The following MTSS1 variants were observed in gnomAD, a reference collection of about 807,000 sequenced individuals.
MTSS1 encodes the protein MTSS I-BAR domain containing 1, also known as protein MTSS 1.
MTSS1 carries 18 observed loss-of-function variants against 79.0 expected under a neutral mutation model. The ratio of observed to expected loss-of-function variants is 0.23; its 90% CI spans 0.16 to 0.34. MTSS1 has a LOEUF of 0.34. Ranked by LOEUF, MTSS1 falls within the 10% of genes least tolerant of loss-of-function variation. The pLI is 1.00. For missense variants in MTSS1, 815 were observed against 986.2 expected (o/e 0.83, Z 2.33); for synonymous variants, 341 against 368.6 (o/e 0.93, Z 0.86).
chr8:124,724,199 A>T (rs1833351642), intron 1 of MTSS1, among the ~76,000 whole-genome samples: 1 of 152,192 alleles, frequency 6.6e-6, no homozygotes, highest in Non-Finnish European at 1.5e-5. Context: ...CACATTCTCC[A>T]TCCTATGATA....
At chr8:124,667,727 A>T (rs1270443266) in intron 3 of MTSS1, among the ~76,000 whole-genome samples, 1 of 152,174 alleles carries the variant, frequency 6.6e-6, no homozygotes, top group Non-Finnish European at 1.5e-5. Flanking sequence ...ACTGGGACTT[A>T]AAAAGCATCT....
intron 3 of MTSS1, among the ~76,000 whole-genome samples, chr8:124,652,797 A>T (rs796893835): frequency 1.3e-5 from 2 of 149,196 alleles, no homozygotes; most frequent in African/African-American, 5.1e-5. Flanking sequence ...TCCGTCTCAA[A>T]AAAAAAAAAA....
At chr8:124,640,639 G>A (rs1021577139) in intron 3 of MTSS1, among the ~76,000 whole-genome samples, 5 of 152,166 alleles carry the variant, frequency 3.3e-5, no homozygotes, top group Admixed American at 6.5e-5. Context: ...CGCCTTCTGG[G>A]TTCAAGCTAT....
rs181903808 is a variant in MTSS1 at position 124,578,169 on chromosome 8, C to T, written c.460+6918G>A. The stretch of plus-strand genomic sequence containing the variant: ...CAGGTCAGTGTGGGGTGGGGAGACG[C>T]GGTCCAGGAAGCCAGAGGCTGAGTA... On this transcript the variant is annotated intron_variant, in intron 6 of 13. Transcript: ENST00000518547. Among the ~76,000 whole-genome samples the T allele has an allele frequency of 2.7e-3, 410 of 152,168 alleles. 3 individuals carry two copies. Among genetic ancestry groups the T allele is most frequent in the African/African-American group, 9.1e-3 (378 of 41,492 alleles).
chr8:124,634,195 A>G lies in MTSS1; in HGVS notation c.209-42960T>C, dbSNP rs141437146. On this transcript the variant is annotated intron_variant, in intron 3 of 13. Transcript: ENST00000518547. ...TAATCATGGCTGTCACTGCAGCCACAACCTCCTGGGCGCAAGCAATCCTCC... is the reference window on the plus strand; with the variant it reads ...TAATCATGGCTGTCACTGCAGCCACGACCTCCTGGGCGCAAGCAATCCTCC... 8.2e-4 allele frequency among the ~76,000 whole-genome samples: 124 copies of G among 151,698 alleles called. 1 individual carries two copies. Among genetic ancestry groups the G allele is most frequent in the Non-Finnish European group, 1.2e-3 (84 of 67,936 alleles).
intron 10 of MTSS1, among the ~76,000 whole-genome samples, chr8:124,558,411 C>T (rs536788514): frequency 3.3e-5 from 5 of 152,048 alleles, no homozygotes; most frequent in Admixed American, 1.3e-4. Flanking sequence ...GTGGGTGGCT[C>T]GGGAAGGGAG....
intron 3 of MTSS1, among the ~76,000 whole-genome samples, chr8:124,608,918 C>T (rs1036283884): frequency 2.0e-5 from 3 of 152,332 alleles, no homozygotes; most frequent in South Asian, 4.1e-4. Flanking sequence ...ACTTATTAAA[C>T]TTCAGTATAC....
rs142038112 is a variant in MTSS1 at position 124,689,220 on chromosome 8, C to T, written c.208+10306G>A. ...AAATTTTAGTTCCAACTAGCTTTCA[C>T]ATTTTGTGCGTGTTTTCTAGCTGAG... On this transcript the variant is annotated intron_variant, in intron 3 of 13. Transcript: ENST00000518547. Among the ~76,000 whole-genome samples the T allele has an allele frequency of 2.6e-4, 39 of 152,238 alleles. No individual in the cohort carries two copies. The East Asian group carries it at 7.5e-3, about 29-fold the overall frequency.
chr8:124,553,812 C>T lies in MTSS1; in HGVS notation c.1568-120G>A, dbSNP rs1346289142. The T allele has an allele frequency of 4.2e-5, 36 of 854,972 alleles. No individual in the cohort carries two copies. The East Asian group carries it at 8.5e-4, about 20-fold the overall frequency. The allele number at this position is 854,972 out of a possible 1,614,324, so 53.0% of individuals were successfully genotyped here. On this transcript the variant is annotated intron_variant, in intron 13 of 13. Coordinates refer to ENST00000518547, the MANE Select transcript of MTSS1 (RefSeq NM_014751.6). This position sits in a 1 kb window ranked among gnomAD's most constrained non-coding sequence, Gnocchi z 6.0. Reference sequence around the variant, plus strand: ...ACACACACAGTCTCATCCCAAGCTTCCCCCAGGCTTCTCTACCATCTTCAG... The same window carrying T: ...ACACACACAGTCTCATCCCAAGCTTTCCCCAGGCTTCTCTACCATCTTCAG...
rs569299160 is a variant in MTSS1, at chr8:124,550,799, G to A, written c.*2193C>T. 1 of 152,484 alleles carries A rather than the reference G, an allele frequency of 6.6e-6. No individual in the cohort carries two copies. The highest frequency in any genetic ancestry group is 1.5e-5 in the Non-Finnish European group (1 of 68,016). 9.4% of individuals were successfully genotyped at this position (152,484 alleles called of 1,614,324 possible). A position where few individuals can be genotyped will look rare whatever the true frequency, so the allele number is the denominator to read the frequency against. ...AATACAGGACTTTTTTAATCTAGTG[G>A]TTCTTTATTTATAACGTAGGCTGAA... On this transcript the variant is annotated 3_prime_UTR_variant, in exon 14 of 14. Coordinates refer to ENST00000518547, the MANE Select transcript of MTSS1 (RefSeq NM_014751.6).
chr8:124,682,253 G>C (rs1298558089), intron 3 of MTSS1, among the ~76,000 whole-genome samples: 1 of 151,956 alleles, frequency 6.6e-6, no homozygotes, highest in African/African-American at 2.4e-5. Context: ...CAGGGGTGGG[G>C]ACACTAGTCA....
rs376742878 is a variant in MTSS1 at position 124,585,060 on chromosome 8, C to T, written c.460+27G>A. On this transcript the variant is annotated intron_variant, in intron 6 of 13. Transcript: ENST00000518547. ...AATCAAGTACTCCATCAGGAAGTAA[C>T]ATCAGTGGCAGAATTTTAGGAGTTA... The T allele has an allele frequency of 8.3e-4, 1,326 of 1,592,576 alleles. 7 individuals are homozygous for T. The highest frequency in any genetic ancestry group is 1.6e-3 in the Admixed American group (92 of 59,042).
At chr8:124,599,516 A>G (rs1490801525) in intron 3 of MTSS1, among the ~76,000 whole-genome samples, 1 of 151,858 alleles carries the variant, frequency 6.6e-6, no homozygotes, top group Non-Finnish European at 1.5e-5. Context: ...AGAGAGAAAG[A>G]AAAAGAAAAA....
At chr8:124,699,162 C>A in intron 3 of MTSS1, 1 of 228,576 alleles carries the variant, frequency 4.4e-6, no homozygotes. Flanking sequence ...CCTACTGCTT[C>A]CCATTCCACA....
In MTSS1 at chr8:124,622,060, A is replaced by AAGAG. The variant is rs55869660; in HGVS notation, c.209-30829_209-30826dup. Among the ~76,000 whole-genome samples the AAGAG allele has an allele frequency of 4.9e-3, 544 of 110,106 alleles. 2 individuals are homozygous for AAGAG. The highest frequency in any genetic ancestry group is 0.015 in the East Asian group (56 of 3,760). 72.2% of individuals were successfully genotyped at this position (110,106 alleles called of 152,430 possible). A position where few individuals can be genotyped will look rare whatever the true frequency, so the allele number is the denominator to read the frequency against. ...GGAAAGTGTGAGAGACAGAAAGAGA[A>AAGAG]AGAGAGAGAGAGAGAGAGAGAGAGA... On this transcript the variant is annotated intron_variant, in intron 3 of 13. Transcript: ENST00000518547.
chr8:124,642,434 C>T (rs998392703), intron 3 of MTSS1, among the ~76,000 whole-genome samples: 4 of 152,170 alleles, frequency 2.6e-5, no homozygotes, highest in Non-Finnish European at 4.4e-5. Flanking sequence ...AGTTAGCTCC[C>T]ATCTTCCTGC....
intron 6 of MTSS1, among the ~76,000 whole-genome samples, chr8:124,573,902 T>A (rs4871505): frequency 0.36 from 54,195 of 152,000 alleles, 11,176 homozygotes; most frequent in African/African-American, 0.57. Context: ...CCCCAGGGGA[T>A]ATCATGATGA....
rs1047489555 is a variant in MTSS1 at position 124,599,113 on chromosome 8, A to T, written c.209-7878T>A. On this transcript the variant is annotated intron_variant, in intron 3 of 13. Transcript: ENST00000518547. ...CCCTTGCCGCCTGCTGATGGAAGGGACCCTGTGCGCTTGAACAGCAGCTCC... is the reference window on the plus strand; with the variant it reads ...CCCTTGCCGCCTGCTGATGGAAGGGTCCCTGTGCGCTTGAACAGCAGCTCC... Among the ~76,000 whole-genome samples the T allele has an allele frequency of 4.6e-5, 7 of 152,088 alleles. 1 individual carries two copies. The highest frequency in any genetic ancestry group is 1.0e-4 in the Non-Finnish European group (7 of 68,010).
chr8:124,663,180 C>G (rs566187354), intron 3 of MTSS1, among the ~76,000 whole-genome samples: 1 of 152,116 alleles, frequency 6.6e-6, no homozygotes. Context: ...GAGGGAGTGC[C>G]AGCAGCATGG....
Sources: allele counts gnomAD v4.1 joint callset (sites outside exome capture counted in the v4.1 genomes callset), GRCh38; gene constraint gnomAD v4.1.1; non-coding constraint Gnocchi (gnomAD v3.1); transcripts MANE v1.5; gene names NCBI Gene and HGNC (gene_info 2026-07-23, HGNC 2026-07-21).